The following COL25A1 variants were observed in gnomAD, a reference collection of about 807,000 sequenced individuals.
The protein encoded by COL25A1 is collagen type XXV alpha 1 chain.
Under a neutral mutation model 128.4 loss-of-function variants are expected in COL25A1, and 103 were observed. The ratio of observed to expected loss-of-function variants is 0.80; its 90% confidence interval spans 0.68 to 0.94. The LOEUF is 0.94. COL25A1 is among the 40% of genes least tolerant of loss of function. COL25A1 has a pLI of 0.00. For synonymous variants in COL25A1, 279 were observed against 277.2 expected (o/e 1.01, Z -0.06); for missense variants, 745 against 840.0 (o/e 0.89, Z 1.40).
chr4:108,985,586 G>C (rs1753592969), intron 6 of COL25A1, among the ~76,000 whole-genome samples: 2 of 152,156 alleles, frequency 1.3e-5, no homozygotes, highest in African/African-American at 4.8e-5. Context: ...TTAGGAAGCA[G>C]AAAGCTAAAC....
At chr4:109,155,912 T>C (rs1290514238) in intron 3 of COL25A1, among the ~76,000 whole-genome samples, 3 of 152,196 alleles carry the variant, frequency 2.0e-5, no homozygotes, top group Non-Finnish European at 2.9e-5. Context: ...AGTAAGGTGC[T>C]TAAGGAAAAA....
At chr4:108,856,957 T>C (rs1736598335) in intron 24 of COL25A1, among the ~76,000 whole-genome samples, 1 of 152,244 alleles carries the variant, frequency 6.6e-6, no homozygotes, top group Non-Finnish European at 1.5e-5. Flanking sequence ...CAATGAAGTA[T>C]AGATACATTA....
chr4:108,881,916 G>C (rs922318178), intron 19 of COL25A1, among the ~76,000 whole-genome samples: 18 of 152,154 alleles, frequency 1.2e-4, no homozygotes, highest in Non-Finnish European at 2.2e-4. Flanking sequence ...AACAGTACTT[G>C]ATAATTATGT....
intron 3 of COL25A1, among the ~76,000 whole-genome samples, chr4:109,140,473 G>T (rs1030418377): frequency 6.6e-6 from 1 of 152,138 alleles, no homozygotes; most frequent in African/African-American, 2.4e-5. Flanking sequence ...TGTGAAGAAA[G>T]TCAATGGTAG....
chr4:108,923,741 C>T (rs986916984), intron 11 of COL25A1, among the ~76,000 whole-genome samples: 2 of 152,146 alleles, frequency 1.3e-5, no homozygotes, highest in Admixed American at 6.5e-5. Flanking sequence ...TAAACGAATG[C>T]TGATTATTCC....
At chr4:108,929,620 T>C (rs1009314875) in intron 11 of COL25A1, among the ~76,000 whole-genome samples, 3 of 152,156 alleles carry the variant, frequency 2.0e-5, no homozygotes, top group South Asian at 2.1e-4. Flanking sequence ...TGCAAGAGGA[T>C]TGCTTGAAGC....
chr4:108,847,563 T>C (rs112981198), intron 27 of COL25A1, among the ~76,000 whole-genome samples: 8 of 151,604 alleles, frequency 5.3e-5, no homozygotes, highest in African/African-American at 1.9e-4. Flanking sequence ...TACTTAGTGA[T>C]AGAAGAAGAC....
At chr4:108,988,766 C>G (rs1274858954) in intron 6 of COL25A1, among the ~76,000 whole-genome samples, 1 of 152,190 alleles carries the variant, frequency 6.6e-6, no homozygotes, top group East Asian at 1.9e-4. Flanking sequence ...ACTTGCAAAC[C>G]CAGTAACATT....
intron 13 of COL25A1, among the ~76,000 whole-genome samples, chr4:108,916,472 T>C (rs567219450): frequency 2.4e-4 from 37 of 152,300 alleles, no homozygotes; most frequent in African/African-American, 8.4e-4. Context: ...TAAAGTTGTT[T>C]TGTTTCATGT....
At chr4:108,939,728 T>C (rs1013603423) in intron 10 of COL25A1, among the ~76,000 whole-genome samples, 4 of 152,274 alleles carry the variant, frequency 2.6e-5, no homozygotes, top group African/African-American at 9.6e-5. Flanking sequence ...AATAATTTAA[T>C]CCAGTAATAA....
chr4:108,966,547 T>TA (rs1205534404), intron 8 of COL25A1, among the ~76,000 whole-genome samples: 2 of 151,792 alleles, frequency 1.3e-5, no homozygotes, highest in Non-Finnish European at 2.9e-5. Flanking sequence ...ATCAGAAAAA[T>TA]AAAAAATCAT....
chr4:109,123,332 TTAAATA>T (rs1228141694), intron 3 of COL25A1, among the ~76,000 whole-genome samples: 1 of 152,030 alleles, frequency 6.6e-6, no homozygotes, highest in African/African-American at 2.4e-5. Flanking sequence ...TGTTTTTCCT[TTAAATA>T]TAATCTATAA....
intron 20 of COL25A1, among the ~76,000 whole-genome samples, chr4:108,867,031 A>G (rs1241270773): frequency 1.3e-5 from 2 of 152,232 alleles, no homozygotes; most frequent in Non-Finnish European, 2.9e-5. Flanking sequence ...TACCTGGTCT[A>G]TAAAATCATG....
At chr4:109,273,004 T>C (rs1311277361) in intron 3 of COL25A1, among the ~76,000 whole-genome samples, 1 of 152,140 alleles carries the variant, frequency 6.6e-6, no homozygotes, top group African/African-American at 2.4e-5. Context: ...ATTTAAGCAT[T>C]ATATAACATT....
In COL25A1 at chr4:108,843,053, G is replaced by T. The variant is rs988473642; in HGVS notation, c.1630-1332C>A. Among the ~76,000 whole-genome samples the T allele has an allele frequency of 4.2e-4, 64 of 150,820 alleles. 1 individual carries two copies. Among genetic ancestry groups the T allele is most frequent in the Non-Finnish European group, 8.8e-5 (6 of 67,822 alleles). ...TGTCCCAGCTACTCAGGAGGCTGATGTGGGAAGATCACCTGAGCCTAGGAG... is the reference window on the plus strand; with the variant it reads ...TGTCCCAGCTACTCAGGAGGCTGATTTGGGAAGATCACCTGAGCCTAGGAG... On this transcript the variant is annotated intron_variant, in intron 30 of 37. Coordinates refer to ENST00000399132, the MANE Select transcript of COL25A1 (RefSeq NM_198721.4).
intron 5 of COL25A1, among the ~76,000 whole-genome samples, chr4:109,038,926 C>A (rs568919693): frequency 7.5e-4 from 114 of 152,248 alleles, no homozygotes; most frequent in Admixed American, 7.4e-3. Flanking sequence ...TCAGCATCAA[C>A]CCCTACCCAA....
At chr4:109,013,683 A>G (rs4085273) in intron 5 of COL25A1, among the ~76,000 whole-genome samples, 77,376 of 151,464 alleles carry the variant, frequency 0.51, 22,473 homozygotes, top group African/African-American at 0.78. Flanking sequence ...CAGACGCGCC[A>G]CCTTAAGAGC....
At position 109,039,804 on chromosome 4, in the gene COL25A1, T is replaced by A. The variant is rs531297728; in HGVS notation, c.420+8364A>T. Among the ~76,000 whole-genome samples, 6 of 152,350 alleles carry A rather than the reference T, an allele frequency of 3.9e-5. No individual in the cohort carries two copies. In the East Asian group the frequency reaches 1.2e-3, roughly 29 times the overall value. Reference sequence around the variant, plus strand: ...ATATGCATTATCTTTTAAATAACTCTATGAACTAATTATTAACAATCCTTT... The same window carrying A: ...ATATGCATTATCTTTTAAATAACTCAATGAACTAATTATTAACAATCCTTT... On this transcript the variant is annotated intron_variant, in intron 5 of 37. Coordinates refer to ENST00000399132, the MANE Select transcript of COL25A1 (RefSeq NM_198721.4).
chr4:108,858,367 CAGTT>C (rs1187931496), intron 24 of COL25A1, among the ~76,000 whole-genome samples: 2 of 152,098 alleles, frequency 1.3e-5, no homozygotes, highest in Non-Finnish European at 2.9e-5. Context: ...GATGTGGACT[CAGTT>C]AGGAATGGAA....
Sources: allele counts gnomAD v4.1 joint callset (sites outside exome capture counted in the v4.1 genomes callset), GRCh38; gene constraint gnomAD v4.1.1; transcripts MANE v1.5; gene names NCBI Gene and HGNC (gene_info 2026-07-23, HGNC 2026-07-21).